The following RBFOX1 variants were observed in gnomAD, a reference collection of about 807,000 sequenced individuals.
RBFOX1 encodes the protein RNA binding fox-1 homolog 1.
A neutral mutation model predicts 57.7 loss-of-function variants in RBFOX1; 8 were observed. The observed-to-expected ratio is 0.14, with a 90% confidence interval of 0.08 to 0.25. The LOEUF (loss-of-function observed/expected upper bound fraction) is 0.25. Among genes scored for constraint, RBFOX1 ranks in the 10% least tolerant of loss-of-function variants. RBFOX1 has a pLI of 1.00. For synonymous variants in RBFOX1, 326 were observed against 222.4 expected, an observed-to-expected ratio of 1.47 and a Z score of -4.15; for missense variants, 611 against 548.5, an observed-to-expected ratio of 1.11 and a Z score of -1.14.
intron 3 of RBFOX1, among the ~76,000 whole-genome samples, chr16:5,850,831 C>T (rs1272408607): frequency 6.6e-6 from 1 of 152,218 alleles, no homozygotes; most frequent in Non-Finnish European, 1.5e-5. Flanking sequence ...GAGCAGTTCA[C>T]ATTTGACCTT....
At chr16:5,881,491 C>A (rs2057761870) in intron 4 of RBFOX1, among the ~76,000 whole-genome samples, 1 of 151,928 alleles carries the variant, frequency 6.6e-6, no homozygotes, top group Admixed American at 6.6e-5. Context: ...ACCAACCTGG[C>A]CAACATGATG....
At chr16:5,615,749 C>A (rs542227913) in intron 3 of RBFOX1, among the ~76,000 whole-genome samples, 2 of 152,178 alleles carry the variant, frequency 1.3e-5, no homozygotes, top group Non-Finnish European at 2.9e-5. Flanking sequence ...TGGGGGACCC[C>A]GTTAGGAAAA....
intron 3 of RBFOX1, among the ~76,000 whole-genome samples, chr16:6,979,477 G>C (rs996251542): frequency 1.3e-5 from 2 of 152,094 alleles, no homozygotes; most frequent in African/African-American, 2.4e-5. Flanking sequence ...TCTTCCCCCA[G>C]TACCTTTCTA....
At chr16:6,590,070 C>T (rs936059581) in intron 2 of RBFOX1, among the ~76,000 whole-genome samples, 3 of 152,158 alleles carry the variant, frequency 2.0e-5, no homozygotes, top group Admixed American at 6.5e-5. Context: ...GAAAAGATAA[C>T]TGAAACAGTG....
At chr16:7,292,756 T>G (rs1568067696) in intron 4 of RBFOX1, among the ~76,000 whole-genome samples, 1 of 152,024 alleles carries the variant, frequency 6.6e-6, no homozygotes, top group Non-Finnish European at 1.5e-5. Context: ...GAAATAGTCT[T>G]GAATTATTTT....
At chr16:6,803,972 C>A (rs552487339) in intron 3 of RBFOX1, among the ~76,000 whole-genome samples, 3 of 152,004 alleles carry the variant, frequency 2.0e-5, no homozygotes, top group Admixed American at 2.0e-4. Context: ...CACGTTATAA[C>A]ATATGAAGCT....
chr16:7,410,652 G>A (rs1257220746), intron 4 of RBFOX1, among the ~76,000 whole-genome samples: 1 of 151,920 alleles, frequency 6.6e-6, no homozygotes, highest in African/African-American at 2.4e-5. Flanking sequence ...ACTCCAGCCT[G>A]GACAACAAGA....
At chr16:6,477,214 G>A (rs1010928050) in intron 2 of RBFOX1, among the ~76,000 whole-genome samples, 1 of 152,088 alleles carries the variant, frequency 6.6e-6, no homozygotes, top group African/African-American at 2.4e-5. Context: ...GTTCTTAATG[G>A]CATCTCAAAA....
chr16:6,421,310 C>G (rs1001475119), intron 2 of RBFOX1, among the ~76,000 whole-genome samples: 1 of 152,120 alleles, frequency 6.6e-6, no homozygotes, highest in Non-Finnish European at 1.5e-5. Context: ...CCTTTGTTGG[C>G]TGTTGATTTG....
intron 3 of RBFOX1, among the ~76,000 whole-genome samples, chr16:5,759,154 G>T (rs1318590402): frequency 2.0e-5 from 3 of 152,166 alleles, no homozygotes; most frequent in South Asian, 2.1e-4. Context: ...GGCAGTATCA[G>T]TAGGGGTTCA....
At chr16:5,832,163 G>C (rs1203570958) in intron 3 of RBFOX1, among the ~76,000 whole-genome samples, 5 of 152,186 alleles carry the variant, frequency 3.3e-5, no homozygotes, top group Non-Finnish European at 5.9e-5. Context: ...CAGGTAACCT[G>C]GGTTAGGTAT....
At chr16:6,244,273 T>C (rs1182619657) in intron 1 of RBFOX1, among the ~76,000 whole-genome samples, 1 of 152,078 alleles carries the variant, frequency 6.6e-6, no homozygotes, top group Non-Finnish European at 1.5e-5. Flanking sequence ...TCCTGCAGAA[T>C]GAAATCCACG....
intron 3 of RBFOX1, among the ~76,000 whole-genome samples, chr16:6,836,281 A>C (rs1254424857): frequency 1.3e-5 from 2 of 152,230 alleles, no homozygotes; most frequent in Non-Finnish European, 2.9e-5. Context: ...TTTACAAGCA[A>C]TGAGATAGTT....
chr16:5,281,988 G>C (rs2063282721), intron 1 of RBFOX1, among the ~76,000 whole-genome samples: 1 of 152,142 alleles, frequency 6.6e-6, no homozygotes, highest in Admixed American at 6.5e-5. Context: ...ATATCCTTTT[G>C]ATATGGTTTG....
At chr16:7,204,447 G>T (rs1174314894) in intron 4 of RBFOX1, among the ~76,000 whole-genome samples, 3 of 152,132 alleles carry the variant, frequency 2.0e-5, no homozygotes, top group Non-Finnish European at 4.4e-5. Flanking sequence ...TTTGAGACCA[G>T]CCTAAGCAAC....
intron 3 of RBFOX1, among the ~76,000 whole-genome samples, chr16:6,847,342 C>G (rs1260209336): frequency 2.0e-5 from 3 of 152,148 alleles, no homozygotes; most frequent in African/African-American, 4.8e-5. Context: ...GACCTGTGTC[C>G]TCACAACTGC....
chr16:6,544,244 A>G (rs146729617), intron 2 of RBFOX1, among the ~76,000 whole-genome samples: 1 of 152,168 alleles, frequency 6.6e-6, no homozygotes, highest in Non-Finnish European at 1.5e-5. Context: ...GGAAAGAGGT[A>G]CTTCTTGGCC....
At chr16:6,388,045 T>C (rs1015010701) in intron 2 of RBFOX1, among the ~76,000 whole-genome samples, 2 of 142,130 alleles carry the variant, frequency 1.4e-5, no homozygotes, top group Non-Finnish European at 3.0e-5. Context: ...ACTGGAACGA[T>C]TTGAGCTCAC....
rs140354300 is a variant in RBFOX1, at chr16:6,237,822, G to A, written c.-126-79173G>A. On this transcript the variant is annotated intron_variant, in intron 1 of 15. Transcript: ENST00000550418. ...AAATACCTGCCTTATGGCTGGATGC[G>A]TTGGCACACACCTGTAATCCCAGCA... 2.1e-3 allele frequency among the ~76,000 whole-genome samples: 314 copies of A among 152,106 alleles called. 1 individual carries two copies. Among genetic ancestry groups the A allele is most frequent in the African/African-American group, 5.9e-3 (247 of 41,514 alleles).
Sources: gnomAD v4.1 joint callset for allele counts (sites outside exome capture counted in the v4.1 genomes callset) on GRCh38, gnomAD v4.1.1 for gene constraint, MANE v1.5 for transcripts, NCBI Gene and HGNC (gene_info 2026-07-23, HGNC 2026-07-21) for gene names.